The following LRRC7 variants were observed in gnomAD, a reference collection of about 807,000 sequenced individuals.
LRRC7 encodes leucine-rich repeat-containing protein 7.
LRRC7 carries 23 observed loss-of-function variants against 175.7 expected under a neutral mutation model. The observed-to-expected ratio is 0.13, with a 90% confidence interval of 0.09 to 0.19. LRRC7 has a LOEUF of 0.19. Among genes scored for constraint, LRRC7 ranks in the 10% least tolerant of loss-of-function variants. The pLI, the probability that LRRC7 is intolerant of heterozygous loss-of-function variation, is 1.00. For synonymous variants in LRRC7, 685 were observed against 680.9 expected, an observed-to-expected ratio of 1.01 and a Z score of -0.09; for missense variants, 1,354 against 1,904.7, an observed-to-expected ratio of 0.71 and a Z score of 5.38.
intron 18 of LRRC7, among the ~76,000 whole-genome samples, chr1:70,034,310 C>T (rs2102012851): frequency 6.6e-6 from 1 of 151,788 alleles, no homozygotes; most frequent in Admixed American, 6.6e-5. Context: ...TAATATGTAC[C>T]CTCTGAAATA....
chr1:69,808,686 C>A (rs1189522450), intron 4 of LRRC7, among the ~76,000 whole-genome samples: 1 of 151,998 alleles, frequency 6.6e-6, no homozygotes, highest in Non-Finnish European at 1.5e-5. Context: ...GACATTAATG[C>A]AGAAATAAAT....
chr1:70,064,460 G>A lies in LRRC7; in HGVS notation c.4230+11315G>A, dbSNP rs80203663. On this transcript the variant is annotated intron_variant, in intron 23 of 26. Coordinates refer to ENST00000651989, the MANE Select transcript of LRRC7 (RefSeq NM_001370785.2). ...ACAGGATTGGAATCCAGTGTTGTCT[G>A]GGTATACAGCCTACTCTACCCACTA... 3.0e-3 allele frequency among the ~76,000 whole-genome samples: 461 copies of A among 151,884 alleles called. 7 individuals are homozygous for A. In the East Asian group the frequency reaches 0.045, roughly 15 times the overall value.
chr1:69,900,052 A>T (rs1646090724), intron 7 of LRRC7, among the ~76,000 whole-genome samples: 1 of 152,176 alleles, frequency 6.6e-6, no homozygotes, highest in African/African-American at 2.4e-5. Flanking sequence ...CATATAATAA[A>T]ATATTATTAT....
rs1650543414 is a variant in LRRC7 at position 69,621,276 on chromosome 1, C to G, written c.2+52635C>G. Reference sequence around the variant, plus strand: ...GGTCAGGCTGGTCTCGAACTCCCAACCTCAGGTGATCCACCCGCCTTGACC... The same window carrying G: ...GGTCAGGCTGGTCTCGAACTCCCAAGCTCAGGTGATCCACCCGCCTTGACC... On this transcript the variant is annotated intron_variant, in intron 1 of 26. Coordinates refer to ENST00000651989, the MANE Select transcript of LRRC7 (RefSeq NM_001370785.2). 2.0e-5 allele frequency among the ~76,000 whole-genome samples: 3 copies of G among 152,192 alleles called. No individual in the cohort carries two copies. The South Asian group carries it at 6.2e-4, about 32-fold the overall frequency.
rs1213932502 is a variant in LRRC7, at chr1:70,130,543, A to G, written c.*8656A>G. ...CTCTCTTCAGCATTTTTTCTAAGACATTTTTGGTCTTTTCTGCTGTGTTTC... is the reference window on the plus strand; with the variant it reads ...CTCTCTTCAGCATTTTTTCTAAGACGTTTTTGGTCTTTTCTGCTGTGTTTC... On this transcript the variant is annotated 3_prime_UTR_variant, in exon 27 of 27. Transcript: ENST00000651989. Among the ~76,000 whole-genome samples, 2 of 152,070 alleles carry G rather than the reference A, an allele frequency of 1.3e-5. No individual in the cohort carries two copies. The highest frequency in any genetic ancestry group is 2.4e-5 in the African/African-American group (1 of 41,408).
intron 2 of LRRC7, among the ~76,000 whole-genome samples, chr1:69,689,129 C>T (rs1398426553): frequency 1.3e-5 from 2 of 152,064 alleles, no homozygotes; most frequent in African/African-American, 4.8e-5. Flanking sequence ...TCAGTTTCTC[C>T]TTTAAATTCC....
chr1:69,806,358 A>G (rs1350146962), intron 4 of LRRC7, among the ~76,000 whole-genome samples: 1 of 151,988 alleles, frequency 6.6e-6, no homozygotes, highest in Non-Finnish European at 1.5e-5. Flanking sequence ...ACTCATTTAG[A>G]CTAAAAGTCA....
intron 23 of LRRC7, among the ~76,000 whole-genome samples, chr1:70,070,517 A>C (rs1662301627): frequency 6.6e-6 from 1 of 152,062 alleles, no homozygotes; most frequent in Non-Finnish European, 1.5e-5. Context: ...TTTAATTAAA[A>C]CTTGGGCACT....
chr1:69,574,394 G>A (rs1432006517), intron 1 of LRRC7, among the ~76,000 whole-genome samples: 1 of 152,050 alleles, frequency 6.6e-6, no homozygotes, highest in East Asian at 1.9e-4. Context: ...AGGATTTTAT[G>A]TTATTATATT....
intron 1 of LRRC7, among the ~76,000 whole-genome samples, chr1:69,570,349 G>A (rs971859766): frequency 3.3e-5 from 5 of 152,158 alleles, no homozygotes; most frequent in Admixed American, 3.3e-4. Context: ...TTGATCGGAG[G>A]CGAAATAGAG....
At chr1:69,880,655 G>A (rs746053044) in intron 7 of LRRC7, among the ~76,000 whole-genome samples, 1 of 152,060 alleles carries the variant, frequency 6.6e-6, no homozygotes, top group Non-Finnish European at 1.5e-5. Context: ...AAAAGAAGGA[G>A]AGTATTATTG....
intron 2 of LRRC7, among the ~76,000 whole-genome samples, chr1:69,704,397 T>A (rs1663764752): frequency 1.3e-5 from 2 of 152,092 alleles, no homozygotes; most frequent in South Asian, 4.1e-4. Flanking sequence ...TCTCTTCTGA[T>A]CTTAAGGAAT....
intron 10 of LRRC7, among the ~76,000 whole-genome samples, chr1:69,988,085 G>A (rs893356409): frequency 9.9e-5 from 15 of 152,138 alleles, no homozygotes; most frequent in African/African-American, 3.4e-4. Context: ...TGGTCAAGAT[G>A]ACAGAGCAAC....
chr1:69,638,286 C>T (rs112621550), intron 1 of LRRC7, among the ~76,000 whole-genome samples: 1 of 151,630 alleles, frequency 6.6e-6, no homozygotes, highest in Non-Finnish European at 1.5e-5. Context: ...CATTTCTAAC[C>T]CTGTGCCTGA....
chr1:70,066,995 T>C (rs1410763058), intron 23 of LRRC7, among the ~76,000 whole-genome samples: 1 of 152,080 alleles, frequency 6.6e-6, no homozygotes, highest in Admixed American at 6.6e-5. Flanking sequence ...TATGCAAACA[T>C]TGTGGTTTTA....
At position 69,691,819 on chromosome 1, in the gene LRRC7, A is replaced by G. The variant is rs1160943382; in HGVS notation, c.100+13341A>G. On this transcript the variant is annotated intron_variant, in intron 2 of 26. Transcript: ENST00000651989. Reference sequence around the variant, plus strand: ...TCTCAAAAAAAAAAAAAAAAAAAAAAAAGAAAAGAAAAGAAGCAACTTGAT... The same window carrying G: ...TCTCAAAAAAAAAAAAAAAAAAAAAGAAGAAAAGAAAAGAAGCAACTTGAT... Among the ~76,000 whole-genome samples the G allele has an allele frequency of 9.5e-5, 11 of 115,614 alleles. No homozygotes were observed. The South Asian group carries it at 1.3e-3, about 14-fold the overall frequency. The allele number at this position is 115,614 out of a possible 152,430, so 75.8% of individuals were successfully genotyped here.
At position 70,084,758 on chromosome 1, in the gene LRRC7, T is replaced by G. The variant is rs985887337; in HGVS notation, c.4453-4969T>G. Among the ~76,000 whole-genome samples the G allele has an allele frequency of 2.6e-5, 4 of 152,300 alleles. No individual in the cohort carries two copies. The South Asian group carries it at 8.3e-4, about 32-fold the overall frequency. ...TTTTCTAAAAGTGGTTACAACATAT[T>G]AATTCCGAACAGCAATGAATGTGGG... On this transcript the variant is annotated intron_variant, in intron 24 of 26. Transcript: ENST00000651989.
chr1:69,675,469 C>A (rs1332145064), intron 1 of LRRC7, among the ~76,000 whole-genome samples: 2 of 152,122 alleles, frequency 1.3e-5, no homozygotes, highest in Non-Finnish European at 2.9e-5. Flanking sequence ...ACTTGTCATT[C>A]CCCATCAGAG....
intron 1 of LRRC7, among the ~76,000 whole-genome samples, chr1:69,596,792 T>C (rs984555094): frequency 6.6e-6 from 1 of 152,218 alleles, no homozygotes; most frequent in Non-Finnish European, 1.5e-5. Context: ...TTCCCACAAG[T>C]TCACCCACAA....
Sources: gnomAD v4.1 joint callset for allele counts (sites outside exome capture counted in the v4.1 genomes callset) on GRCh38, gnomAD v4.1.1 for gene constraint, MANE v1.5 for transcripts, NCBI Gene and HGNC (gene_info 2026-07-23, HGNC 2026-07-21) for gene names.